MTOR: variants seen among roughly 807,000 people sequenced by gnomAD.
MTOR encodes the protein mechanistic target of rapamycin kinase, also known as serine/threonine-protein kinase mTOR.
In MTOR, 70 loss-of-function variants were observed where a neutral mutation model predicts 319.8. The observed-to-expected ratio is 0.22, with a 90% CI of 0.18 to 0.27. The LOEUF (loss-of-function observed/expected upper bound fraction) is 0.27, where lower values mean the gene tolerates loss of function less well. Among genes scored for constraint, MTOR ranks in the 10% least tolerant of loss-of-function variants. The pLI, the probability that MTOR is intolerant of heterozygous loss-of-function variation, is 1.00. For missense variants in MTOR, 1,890 were observed against 3,274.4 expected, an observed-to-expected ratio of 0.58 and a Z score of 10.32; for synonymous variants, 1,183 against 1,211.4, an observed-to-expected ratio of 0.98 and a Z score of 0.49.
At chr1:11,246,327 C>A (rs1557480248) in intron 8 of MTOR, among the ~76,000 whole-genome samples, 1 of 152,116 alleles carries the variant, frequency 6.6e-6, no homozygotes, top group African/African-American at 2.4e-5. Flanking sequence ...CAAATTTGGC[C>A]TAGTTATTAG....
intron 28 of MTOR, among the ~76,000 whole-genome samples, chr1:11,179,697 T>C (rs1327165475): frequency 6.6e-6 from 1 of 152,154 alleles, no homozygotes; most frequent in African/African-American, 2.4e-5. Context: ...AGTAAATGCA[T>C]GCTCTACTGA....
intron 34 of MTOR, among the ~76,000 whole-genome samples, chr1:11,140,153 C>T (rs1643623218): frequency 6.6e-6 from 1 of 152,064 alleles, no homozygotes; most frequent in Non-Finnish European, 1.5e-5. Context: ...CCCTGCAAGC[C>T]ACAGCCAATT....
chr1:11,171,209 GAA>G (rs1644803804), intron 28 of MTOR, among the ~76,000 whole-genome samples: 1 of 149,016 alleles, frequency 6.7e-6, no homozygotes, highest in Admixed American at 6.7e-5. Context: ...AAAAAAAAAA[GAA>G]AAAGAAAATC....
At position 11,109,713 on chromosome 1, in the gene MTOR, C is replaced by T. The variant is rs1443172891; in HGVS notation, c.7383G>A (p.Val2461=). The T allele has an allele frequency of 6.2e-7, 1 of 1,614,030 alleles. No individual in the cohort carries two copies. Among genetic ancestry groups the T allele is most frequent in the Admixed American group, 1.7e-5 (1 of 60,016 alleles). The part of the protein sequence containing the change: ...AGQSVEILDG[V]ELGEPAHKKT... ...TCTTATGGGCTGGCTCTCCAAGTTC[C>T]ACACCGTCCAAAATTTCTATGGGAA... The change falls in exon 55 of 58, where the codon GTG becomes GTA. Residue 2461 remains valine, a synonymous_variant. Coordinates refer to ENST00000361445, the MANE Select transcript of MTOR (RefSeq NM_004958.4). This position sits in a 1 kb window ranked among gnomAD's most constrained non-coding sequence, Gnocchi z 4.0.
chr1:11,245,312 A>C (rs1382078807), intron 8 of MTOR, among the ~76,000 whole-genome samples: 3 of 152,210 alleles, frequency 2.0e-5, no homozygotes, highest in Non-Finnish European at 2.9e-5. Flanking sequence ...AGGCACCAGT[A>C]GTACACATAA....
In MTOR at chr1:11,115,304, C is replaced by A; in HGVS notation, c.7089+92G>T. ...GGGCCAGCAGGGGTTAAGAGTAAGG[C>A]AGTTTGGGCTTAAGTCTGCCTACAG... On this transcript the variant is annotated intron_variant, in intron 51 of 57. Transcript: ENST00000361445. This position sits in a 1 kb window ranked among gnomAD's most constrained non-coding sequence, Gnocchi z 4.5. 1 of 1,213,868 alleles carries A rather than the reference C, an allele frequency of 8.2e-7. No individual in the cohort carries two copies. Among genetic ancestry groups the A allele is most frequent in the African/African-American group, 1.5e-5 (1 of 67,186 alleles). 75.2% of individuals were successfully genotyped at this position (1,213,868 alleles called of 1,614,324 possible). A position where few individuals can be genotyped will look rare whatever the true frequency, so the allele number is the denominator to read the frequency against.
intron 2 of MTOR, 127 bp downstream of exon 2, chr1:11,259,121 G>T: frequency 1.8e-6 from 2 of 1,134,012 alleles, no homozygotes; most frequent in Non-Finnish European, 1.2e-6. Context: ...GTGACAGGTT[G>T]GGTGCCTTTA....
chr1:11,260,180 G>A (rs1168092487), intron 1 of MTOR, among the ~76,000 whole-genome samples: 1 of 152,232 alleles, frequency 6.6e-6, no homozygotes, highest in East Asian at 1.9e-4. Flanking sequence ...AATTAAAAAT[G>A]ACTAAGACTG....
At chr1:11,216,626 AG>A (rs5772445) in intron 19 of MTOR, among the ~76,000 whole-genome samples, 4,139 of 149,994 alleles carry the variant, frequency 0.028, 91 homozygotes, top group Middle Eastern at 0.045. Context: ...TACAGAGTGC[AG>A]GGTGACAGGG....
chr1:11,250,897 C>A (rs1245901546), intron 6 of MTOR, among the ~76,000 whole-genome samples: 4 of 152,202 alleles, frequency 2.6e-5, no homozygotes, highest in Non-Finnish European at 4.4e-5. Flanking sequence ...TACCTCCAAA[C>A]CATCAGCAAA....
At chr1:11,237,050 A>C (rs1647304241) in intron 13 of MTOR, among the ~76,000 whole-genome samples, 1 of 152,186 alleles carries the variant, frequency 6.6e-6, no homozygotes, top group Non-Finnish European at 1.5e-5. Context: ...TCTATGTTTA[A>C]GTTCCTTATA....
At position 11,258,750 on chromosome 1, in the gene MTOR, G is replaced by C. The variant is rs28730695; in HGVS notation, c.163-157C>G. Reference sequence around the variant, plus strand: ...CCCATTTCTATAGGATTACACTGTAGAGTACCTGAACTTGCAATCATCTGA... The same window carrying C: ...CCCATTTCTATAGGATTACACTGTACAGTACCTGAACTTGCAATCATCTGA... On this transcript the variant is annotated intron_variant, in intron 2 of 57. Coordinates refer to ENST00000361445, the MANE Select transcript of MTOR (RefSeq NM_004958.4). 0.041 allele frequency among the ~76,000 whole-genome samples: 6,173 copies of C among 152,268 alleles called. 341 individuals are homozygous for C. Among genetic ancestry groups the C allele is most frequent in the African/African-American group, 0.11 (4,369 of 41,542 alleles).
At chr1:11,147,643 A>G (rs1281489978) in intron 31 of MTOR, among the ~76,000 whole-genome samples, 2 of 152,216 alleles carry the variant, frequency 1.3e-5, no homozygotes, top group East Asian at 3.9e-4. Context: ...GTTTTTGAAA[A>G]ATGTTCCGGA....
intron 34 of MTOR, among the ~76,000 whole-genome samples, chr1:11,141,904 G>A (rs1237039354): frequency 4.0e-5 from 6 of 151,428 alleles, no homozygotes; most frequent in Non-Finnish European, 7.4e-5. Flanking sequence ...AGGAGGCTGA[G>A]GCAGAAGAAT....
At position 11,247,562 on chromosome 1, in the gene MTOR, T is replaced by C. The variant is rs1649013394; in HGVS notation, c.1225+63A>G. On this transcript the variant is annotated intron_variant, in intron 8 of 57. Coordinates refer to ENST00000361445, the MANE Select transcript of MTOR (RefSeq NM_004958.4). Reference sequence around the variant, plus strand: ...CAAAGGAAAAGATATTTGGCTTTTCTGGAATCACCTGTTCCCTGTTTACCC... The same window carrying C: ...CAAAGGAAAAGATATTTGGCTTTTCCGGAATCACCTGTTCCCTGTTTACCC... 12 of 1,463,656 alleles carry C rather than the reference T, an allele frequency of 8.2e-6. 1 individual carries two copies. The South Asian group carries it at 1.4e-4, about 17-fold the overall frequency. The allele number at this position is 1,463,656 out of a possible 1,614,324, so 90.7% of individuals were successfully genotyped here. A position where few individuals can be genotyped will look rare whatever the true frequency, so the allele number is the denominator to read the frequency against.
At position 11,167,421 on chromosome 1, in the gene MTOR, CA is replaced by C. The variant is rs748618328; in HGVS notation, c.4329+20del. 1.9e-6 allele frequency: 3 copies of C among 1,607,510 alleles called. No individual in the cohort carries two copies. The Admixed American group carries it at 5.0e-5, about 27-fold the overall frequency. ...GCCAAGTCTCTACCTCCTGCTTTTC[CA>C]AAAAGAATGAGGTGCTTACCAGCTC... On this transcript the variant is annotated intron_variant, in intron 29 of 57. Coordinates refer to ENST00000361445, the MANE Select transcript of MTOR (RefSeq NM_004958.4).
chr1:11,164,533 A>C (rs946872293), intron 29 of MTOR, among the ~76,000 whole-genome samples: 2 of 152,160 alleles, frequency 1.3e-5, no homozygotes, highest in Non-Finnish European at 2.9e-5. Context: ...CACCCTCCCA[A>C]GACTAAACCA....
At position 11,115,522 on chromosome 1, in the gene MTOR, A is replaced by C. The variant is rs1642118094; in HGVS notation, c.7017-54T>G. ...GGGATCAACAGAGATAACGGATGAAAAAATCAATAAGTACGTGATACTGTA... is the reference window on the plus strand; with the variant it reads ...GGGATCAACAGAGATAACGGATGAACAAATCAATAAGTACGTGATACTGTA... On this transcript the variant is annotated intron_variant, in intron 50 of 57. Coordinates refer to ENST00000361445, the MANE Select transcript of MTOR (RefSeq NM_004958.4). The surrounding 1 kb of genome is among the most constrained non-coding windows in gnomAD (Gnocchi z 4.5). The C allele has an allele frequency of 1.9e-6, 3 of 1,545,490 alleles. No individual in the cohort carries two copies. Among genetic ancestry groups the C allele is most frequent in the East Asian group, 4.5e-5 (2 of 44,510 alleles).
rs1216392287 is a variant in MTOR, at chr1:11,150,110, G to C, written c.4570+16C>G. ...TCACCCCATCCTTCACAGGGTGCCTGTGAGGGAAGCTTTACCTAAACCCCA... is the reference window on the plus strand; with the variant it reads ...TCACCCCATCCTTCACAGGGTGCCTCTGAGGGAAGCTTTACCTAAACCCCA... On this transcript the variant is annotated intron_variant, in intron 31 of 57. Transcript: ENST00000361445. 2 of 1,611,658 alleles carry C rather than the reference G, an allele frequency of 1.2e-6. No homozygotes were observed. Among genetic ancestry groups the C allele is most frequent in the Admixed American group, 3.3e-5 (2 of 60,014 alleles).
Sources: gnomAD v4.1 joint callset for allele counts (sites outside exome capture counted in the v4.1 genomes callset) on GRCh38, gnomAD v4.1.1 for gene constraint, Gnocchi (gnomAD v3.1) non-coding constraint, MANE v1.5 for transcripts, NCBI Gene and HGNC (gene_info 2026-07-23, HGNC 2026-07-21) for gene names.